Variants in PHTF2 observed in about 807,000 individuals in gnomAD.
The protein encoded by PHTF2 is putative homeodomain transcription factor 2.
A neutral mutation model predicts 101.2 loss-of-function variants in PHTF2; 60 were observed. The observed-to-expected ratio is 0.59, with a 90% confidence interval of 0.48 to 0.73. PHTF2 has a LOEUF of 0.73. Among genes scored for constraint, PHTF2 ranks in the 30% least tolerant of loss-of-function variants. The pLI, the probability that PHTF2 is intolerant of heterozygous loss-of-function variation, is 0.00. For missense variants in PHTF2, 747 were observed against 908.7 expected, an observed-to-expected ratio of 0.82 and a Z score of 2.29; for synonymous variants, 311 against 307.3, an observed-to-expected ratio of 1.01 and a Z score of -0.13.
At chr7:77,870,240 C>A (rs1363727871) in intron 3 of PHTF2, among the ~76,000 whole-genome samples, 1 of 145,896 alleles carries the variant, frequency 6.9e-6, no homozygotes, top group African/African-American at 2.6e-5. Context: ...AATCTTTAAT[C>A]CATTTTGTTT....
At chr7:77,809,227 T>G (rs1793228809) in intron 1 of PHTF2, among the ~76,000 whole-genome samples, 4 of 143,422 alleles carry the variant, frequency 2.8e-5, no homozygotes, top group South Asian at 2.3e-4. Context: ...GTTCGTTGTT[T>G]TTTTTTTTTT....
intron 1 of PHTF2, among the ~76,000 whole-genome samples, chr7:77,826,967 G>T (rs1330125019): frequency 6.6e-6 from 1 of 152,164 alleles, no homozygotes; most frequent in African/African-American, 2.4e-5. Flanking sequence ...AAGAATCGGG[G>T]GTGATCATCA....
chr7:77,824,849 A>G lies in PHTF2; in HGVS notation c.-35-15372A>G, dbSNP rs947139985. Among the ~76,000 whole-genome samples the G allele has an allele frequency of 5.3e-5, 8 of 152,004 alleles. No individual in the cohort carries two copies. The South Asian group carries it at 1.5e-3, about 28-fold the overall frequency. On this transcript the variant is annotated intron_variant, in intron 1 of 19. Transcript: ENST00000416283. ...GGAGTTCAAGGCCAGCCTGGACAACATAGCAAGACCCCACCTCTACCAAAA... is the reference window on the plus strand; with the variant it reads ...GGAGTTCAAGGCCAGCCTGGACAACGTAGCAAGACCCCACCTCTACCAAAA...
At chr7:77,849,627 A>T (rs1796578795) in intron 2 of PHTF2, among the ~76,000 whole-genome samples, 2 of 152,236 alleles carry the variant, frequency 1.3e-5, no homozygotes, top group African/African-American at 2.4e-5. Context: ...ATAGTGCTAC[A>T]TTGAATCTGT....
At chr7:77,944,016 T>TA (rs1013566641) in intron 16 of PHTF2, among the ~76,000 whole-genome samples, 124 of 144,164 alleles carry the variant, frequency 8.6e-4, no homozygotes, top group Admixed American at 2.0e-3. Context: ...AACAAACAAA[T>TA]AAAAAAAAAA....
intron 3 of PHTF2, among the ~76,000 whole-genome samples, chr7:77,881,424 A>G (rs1229043020): frequency 1.3e-5 from 2 of 151,972 alleles, no homozygotes; most frequent in Non-Finnish European, 2.9e-5. Context: ...CCAAACACCC[A>G]GTTTATGCTG....
intron 2 of PHTF2, among the ~76,000 whole-genome samples, chr7:77,847,471 C>T (rs1034879527): frequency 2.0e-5 from 3 of 152,110 alleles, no homozygotes; most frequent in Non-Finnish European, 4.4e-5. Context: ...TTTTCTGAGC[C>T]TTAGTTTTTT....
rs1157824903 is a variant in PHTF2, at chr7:77,804,031, C to T, written c.-36+5060C>T. 2.0e-5 allele frequency among the ~76,000 whole-genome samples: 3 copies of T among 152,268 alleles called. No homozygotes were observed. The East Asian group carries it at 5.8e-4, about 29-fold the overall frequency. Reference sequence around the variant, plus strand: ...TGAATTAAGTGTATAGGGAGAGGAACTTGTTTTCTCAAATCTCTTGACTAC... The same window carrying T: ...TGAATTAAGTGTATAGGGAGAGGAATTTGTTTTCTCAAATCTCTTGACTAC... On this transcript the variant is annotated intron_variant, in intron 1 of 19. Coordinates refer to ENST00000416283, the Ensembl canonical transcript of PHTF2.
intron 1 of PHTF2, among the ~76,000 whole-genome samples, chr7:77,806,778 CT>C (rs1793016014): frequency 6.6e-6 from 1 of 151,874 alleles, no homozygotes; most frequent in African/African-American, 2.4e-5. Context: ...ACTTTATAAC[CT>C]TTTTTGACTT....
At chr7:77,846,438 T>C (rs1175737914) in intron 2 of PHTF2, among the ~76,000 whole-genome samples, 1 of 152,220 alleles carries the variant, frequency 6.6e-6, no homozygotes, top group Non-Finnish European at 1.5e-5. Context: ...TTCAATGCTT[T>C]ACATATATTA....
intron 1 of PHTF2, among the ~76,000 whole-genome samples, chr7:77,838,129 G>A (rs1795609859): frequency 6.6e-6 from 1 of 152,202 alleles, no homozygotes; most frequent in South Asian, 2.1e-4. Flanking sequence ...CAATGAAGGT[G>A]TAGTGTGTAT....
intron 11 of PHTF2, among the ~76,000 whole-genome samples, chr7:77,927,460 G>A (rs1393672159): frequency 1.3e-5 from 2 of 152,134 alleles, no homozygotes; most frequent in Admixed American, 6.5e-5. Flanking sequence ...GCCAGTCGCA[G>A]TGGCATGTGT....
intron 13 of PHTF2, among the ~76,000 whole-genome samples, chr7:77,939,570 A>C (rs1805456714): frequency 6.7e-6 from 1 of 149,612 alleles, no homozygotes; most frequent in East Asian, 1.9e-4. Context: ...AGCCTGGGCA[A>C]TAGAGTGAGA....
chr7:77,800,493 G>C (rs747820535), intron 1 of PHTF2, among the ~76,000 whole-genome samples: 8 of 152,160 alleles, frequency 5.3e-5, no homozygotes, highest in African/African-American at 1.9e-4. Context: ...TGAAAATGTG[G>C]TGAGTAAACA....
chr7:77,827,326 C>T (rs994217373), intron 1 of PHTF2, among the ~76,000 whole-genome samples: 1 of 151,952 alleles, frequency 6.6e-6, no homozygotes, highest in South Asian at 2.1e-4. Flanking sequence ...TCTTAGAATT[C>T]GTGGAAAATT....
At chr7:77,914,072 A>C (rs1245955938) in intron 9 of PHTF2, among the ~76,000 whole-genome samples, 1 of 151,866 alleles carries the variant, frequency 6.6e-6, no homozygotes, top group Non-Finnish European at 1.5e-5. Context: ...TCTCAAAAAA[A>C]AAAAAAAAAG....
At chr7:77,945,051 A>C (rs1196793209) in intron 16 of PHTF2, among the ~76,000 whole-genome samples, 2 of 152,224 alleles carry the variant, frequency 1.3e-5, no homozygotes, top group Non-Finnish European at 2.9e-5. Context: ...TAAGAATTAC[A>C]GGAGGAGGCT....
chr7:77,847,257 A>G (rs1252014512), intron 2 of PHTF2, among the ~76,000 whole-genome samples: 1 of 152,148 alleles, frequency 6.6e-6, no homozygotes. Flanking sequence ...GTAGAGAGAA[A>G]ATTAAGATCT....
At chr7:77,844,254 G>C (rs549431516) in intron 2 of PHTF2, among the ~76,000 whole-genome samples, 1 of 151,996 alleles carries the variant, frequency 6.6e-6, no homozygotes, top group Admixed American at 6.5e-5. Flanking sequence ...TTGGACTCCC[G>C]AAGTGCTGGG....
Sources: gnomAD v4.1 joint callset for allele counts (sites outside exome capture counted in the v4.1 genomes callset) on GRCh38, gnomAD v4.1.1 for gene constraint, MANE v1.5 for transcripts, NCBI Gene and HGNC (gene_info 2026-07-23, HGNC 2026-07-21) for gene names.